The following OPCML variants were observed in gnomAD, a reference collection of about 807,000 sequenced individuals.
OPCML encodes opioid-binding protein/cell adhesion molecule.
Under a neutral mutation model 37.8 loss-of-function variants are expected in OPCML, and 13 were observed. The observed-to-expected ratio is 0.34, with a 90% CI of 0.22 to 0.55. The LOEUF (loss-of-function observed/expected upper bound fraction) is 0.55. Ranked by LOEUF, OPCML falls within the 20% of genes least tolerant of loss-of-function variation. The pLI is 0.91. For missense variants in OPCML, 341 were observed against 435.6 expected (o/e 0.78, Z 1.93); for synonymous variants, 176 against 168.8 (o/e 1.04, Z -0.33).
intron 6 of OPCML, 173 bp downstream of exon 6, chr11:132,436,486 C>T (rs1443848572): frequency 2.1e-6 from 2 of 935,218 alleles, no homozygotes; most frequent in African/African-American, 3.6e-5. Flanking sequence ...CTCCACTTCC[C>T]AGCCTCCTCC....
At chr11:132,761,859 G>A (rs1259117473) in intron 2 of OPCML, among the ~76,000 whole-genome samples, 2 of 152,226 alleles carry the variant, frequency 1.3e-5, no homozygotes, top group Admixed American at 6.5e-5. Flanking sequence ...TGCTGGTGAG[G>A]AGTTGTGGGC....
intron 2 of OPCML, among the ~76,000 whole-genome samples, chr11:132,922,716 C>T (rs1944848716): frequency 6.6e-6 from 1 of 152,128 alleles, no homozygotes; most frequent in Admixed American, 6.5e-5. Context: ...GTACTCACAA[C>T]TTGAGATACA....
chr11:132,868,683 T>C (rs1436085083), intron 2 of OPCML, among the ~76,000 whole-genome samples: 1 of 152,114 alleles, frequency 6.6e-6, no homozygotes, highest in Non-Finnish European at 1.5e-5. Context: ...TCTAGCACTG[T>C]GGGCTTAAAA....
chr11:132,695,636 A>C (rs1490067184), intron 2 of OPCML, among the ~76,000 whole-genome samples: 1 of 152,200 alleles, frequency 6.6e-6, no homozygotes, highest in Non-Finnish European at 1.5e-5. Context: ...ATGTAATGAC[A>C]CAAAAGATGA....
chr11:133,086,662 C>T (rs1948823440), intron 1 of OPCML, among the ~76,000 whole-genome samples: 1 of 152,112 alleles, frequency 6.6e-6, no homozygotes, highest in African/African-American at 2.4e-5. Context: ...TCATCACCAC[C>T]CGTGCTGTAC....
At chr11:132,589,831 AT>A (rs1326644124) in intron 3 of OPCML, among the ~76,000 whole-genome samples, 1 of 152,056 alleles carries the variant, frequency 6.6e-6, no homozygotes, top group African/African-American at 2.4e-5. Flanking sequence ...TTCCTTAGAT[AT>A]TTTTTCTGGG....
intron 1 of OPCML, among the ~76,000 whole-genome samples, chr11:133,316,303 G>A (rs1184326841): frequency 6.6e-6 from 1 of 152,130 alleles, no homozygotes; most frequent in Non-Finnish European, 1.5e-5. Flanking sequence ...AACCAAGCAG[G>A]AACAATCTAG....
In OPCML at chr11:132,685,889, T is replaced by C. The variant is rs1591725218; in HGVS notation, c.147-28570A>G. ...ATCACTAAATTAGCCCCCAGTTCAA[T>C]GGCATCTGCAGTGTGTAACTTCGGG... On this transcript the variant is annotated intron_variant, in intron 2 of 7. Transcript: ENST00000524381. 2.0e-5 allele frequency among the ~76,000 whole-genome samples: 3 copies of C among 152,204 alleles called. No individual in the cohort carries two copies. The South Asian group carries it at 6.2e-4, about 31-fold the overall frequency.
chr11:132,461,426 G>C (rs1315154017), intron 4 of OPCML, among the ~76,000 whole-genome samples: 1 of 152,160 alleles, frequency 6.6e-6, no homozygotes, highest in Non-Finnish European at 1.5e-5. Context: ...GGTTCTAAAT[G>C]GTGGTGCATC....
At chr11:132,720,859 A>G (rs959071880) in intron 2 of OPCML, among the ~76,000 whole-genome samples, 1 of 152,168 alleles carries the variant, frequency 6.6e-6, no homozygotes, top group East Asian at 1.9e-4. Context: ...CATAACTACA[A>G]TTCAACACAT....
At chr11:133,250,976 C>T (rs1941114567) in intron 1 of OPCML, among the ~76,000 whole-genome samples, 3 of 152,072 alleles carry the variant, frequency 2.0e-5, no homozygotes, top group Admixed American at 2.0e-4. Context: ...TTTTGCAACA[C>T]ATCTACTGGG....
intron 1 of OPCML, among the ~76,000 whole-genome samples, chr11:133,493,637 T>C (rs1033475195): frequency 6.6e-6 from 1 of 152,160 alleles, no homozygotes; most frequent in African/African-American, 2.4e-5. Context: ...AAAATAAGCA[T>C]GCATTTAGTG....
chr11:132,557,070 T>A (rs962453275), intron 3 of OPCML, among the ~76,000 whole-genome samples: 1 of 152,214 alleles, frequency 6.6e-6, no homozygotes, highest in Non-Finnish European at 1.5e-5. Context: ...GAAAAAAATC[T>A]TATTCTTACC....
intron 1 of OPCML, among the ~76,000 whole-genome samples, chr11:133,240,958 C>G (rs1940708640): frequency 1.3e-5 from 2 of 152,220 alleles, no homozygotes; most frequent in Admixed American, 1.3e-4. Context: ...TTAAAGCAGG[C>G]TACCCTATAT....
intron 1 of OPCML, among the ~76,000 whole-genome samples, chr11:133,311,018 C>G (rs968057633): frequency 2.6e-5 from 4 of 152,260 alleles, no homozygotes; most frequent in Non-Finnish European, 4.4e-5. Flanking sequence ...AATTGCCAAC[C>G]AGATGGCAGG....
chr11:132,951,582 C>T (rs780660970), intron 1 of OPCML, among the ~76,000 whole-genome samples: 1 of 152,228 alleles, frequency 6.6e-6, no homozygotes, highest in African/African-American at 2.4e-5. Flanking sequence ...AAGTGAAATA[C>T]TGCATGTAAA....
At position 133,204,048 on chromosome 11, in the gene OPCML, G is replaced by T. The variant is rs1347468097; in HGVS notation, c.62-261038C>A. ...ATTCCAGCCTGGGGGGACAGAGCGA[G>T]ACTCTGTCTCAAAAAAAAAAAAAAA... On this transcript the variant is annotated intron_variant, in intron 1 of 7. Coordinates refer to ENST00000524381, the MANE Select transcript of OPCML (RefSeq NM_001012393.5). Among the ~76,000 whole-genome samples the T allele has an allele frequency of 3.2e-5, 3 of 93,810 alleles. No individual in the cohort carries two copies. In the East Asian group the frequency reaches 1.0e-3, roughly 31 times the overall value. The allele number at this position is 93,810 out of a possible 152,430, so 61.5% of individuals were successfully genotyped here.
intron 2 of OPCML, among the ~76,000 whole-genome samples, chr11:132,832,017 G>A (rs1455523866): frequency 6.6e-6 from 1 of 151,684 alleles, no homozygotes; most frequent in Non-Finnish European, 1.5e-5. Context: ...ATCGCACAAT[G>A]CTTACCTCTC....
chr11:133,487,579 T>C (rs1947556149), intron 1 of OPCML, among the ~76,000 whole-genome samples: 1 of 152,176 alleles, frequency 6.6e-6, no homozygotes, highest in Non-Finnish European at 1.5e-5. Flanking sequence ...CTTTGTTTTC[T>C]TTTATTCATC....
Sources: gnomAD v4.1 joint callset for allele counts (sites outside exome capture counted in the v4.1 genomes callset) on GRCh38, gnomAD v4.1.1 for gene constraint, MANE v1.5 for transcripts, NCBI Gene and HGNC (gene_info 2026-07-23, HGNC 2026-07-21) for gene names.